NKAIN2: variants seen among roughly 807,000 people sequenced by gnomAD.
NKAIN2 encodes the protein sodium/potassium-transporting ATPase subunit beta-1-interacting protein 2.
In NKAIN2, 14 loss-of-function variants were observed where a neutral mutation model predicts 32.6. That is an observed-to-expected ratio of 0.43 (90% confidence interval 0.28 to 0.67). The LOEUF (loss-of-function observed/expected upper bound fraction) is 0.67. NKAIN2 is among the 30% of genes least tolerant of loss of function. The pLI, the probability that NKAIN2 is intolerant of heterozygous loss-of-function variation, is 0.17. For missense variants in NKAIN2, 198 were observed against 258.3 expected (o/e 0.77, Z 1.60); for synonymous variants, 80 against 87.2 (o/e 0.92, Z 0.46).
At chr6:124,167,335 A>G (rs1437383604) in intron 1 of NKAIN2, among the ~76,000 whole-genome samples, 3 of 151,144 alleles carry the variant, frequency 2.0e-5, no homozygotes, top group African/African-American at 7.3e-5. Flanking sequence ...TTATTGGTGT[A>G]TAAGAATGCT....
At chr6:124,469,269 C>A (rs190148023) in intron 3 of NKAIN2, among the ~76,000 whole-genome samples, 3 of 152,212 alleles carry the variant, frequency 2.0e-5, no homozygotes, top group Admixed American at 2.0e-4. Context: ...TATGGTGTTA[C>A]AAAGTTATAA....
chr6:124,206,922 C>T (rs1790916228), intron 1 of NKAIN2, among the ~76,000 whole-genome samples: 1 of 151,718 alleles, frequency 6.6e-6, no homozygotes, highest in Admixed American at 6.6e-5. Flanking sequence ...ACGGGATTAA[C>T]ATCTCATATC....
chr6:124,425,315 A>T (rs1274418557), intron 3 of NKAIN2, among the ~76,000 whole-genome samples: 2 of 152,142 alleles, frequency 1.3e-5, no homozygotes, highest in African/African-American at 4.8e-5. Context: ...CACAATAATC[A>T]ATTCGAAATG....
At chr6:124,526,726 A>G (rs1779327940) in intron 3 of NKAIN2, among the ~76,000 whole-genome samples, 1 of 152,176 alleles carries the variant, frequency 6.6e-6, no homozygotes, top group South Asian at 2.1e-4. Flanking sequence ...ATTGAGCACC[A>G]TCTTGTAAAA....
intron 1 of NKAIN2, among the ~76,000 whole-genome samples, chr6:124,166,886 T>G (rs1311841767): frequency 7.2e-6 from 1 of 138,368 alleles, no homozygotes; most frequent in Non-Finnish European, 1.6e-5. Flanking sequence ...TATCTCTGTT[T>G]TGGTACCAGT....
intron 1 of NKAIN2, among the ~76,000 whole-genome samples, chr6:124,223,070 G>A (rs942454142): frequency 4.0e-5 from 6 of 151,800 alleles, no homozygotes; most frequent in East Asian, 3.9e-4. Context: ...AAAATTAGCC[G>A]GGCATGGTGG....
chr6:124,637,884 C>T (rs1340530490), intron 3 of NKAIN2, among the ~76,000 whole-genome samples: 2 of 152,108 alleles, frequency 1.3e-5, no homozygotes, highest in Admixed American at 6.6e-5. Flanking sequence ...ATATCAATGA[C>T]ATTCTTCAAA....
intron 3 of NKAIN2, among the ~76,000 whole-genome samples, chr6:124,485,622 T>C (rs1418482629): frequency 6.6e-6 from 1 of 152,152 alleles, no homozygotes; most frequent in African/African-American, 2.4e-5. Flanking sequence ...ACTGACTACA[T>C]TAGAATAGTG....
At chr6:124,644,880 C>T (rs1784114211) in intron 3 of NKAIN2, among the ~76,000 whole-genome samples, 2 of 152,048 alleles carry the variant, frequency 1.3e-5, no homozygotes, top group South Asian at 4.2e-4. Flanking sequence ...TCAAGAAAAC[C>T]CTTATGTTGT....
intron 1 of NKAIN2, among the ~76,000 whole-genome samples, chr6:124,001,800 A>AATATATATAT (rs10567719): frequency 0.011 from 1,431 of 134,930 alleles, 21 homozygotes; most frequent in African/African-American, 0.029. Flanking sequence ...CTTAGTTCTA[A>AATATATATAT]ATATATATAT....
At chr6:123,953,433 A>G (rs1225322303) in intron 1 of NKAIN2, among the ~76,000 whole-genome samples, 2 of 152,102 alleles carry the variant, frequency 1.3e-5, no homozygotes, top group Admixed American at 6.5e-5. Context: ...CCTGGGCAGT[A>G]GGCAAGTGAA....
rs1247080517 is a variant in NKAIN2, at chr6:124,565,080, G to T, written c.274-93106G>T. 2.0e-5 allele frequency among the ~76,000 whole-genome samples: 3 copies of T among 152,264 alleles called. No homozygotes were observed. The East Asian group carries it at 5.8e-4, about 29-fold the overall frequency. On this transcript the variant is annotated intron_variant, in intron 3 of 6. Transcript: ENST00000368417. ...GAGCAAGAGCAAGAGATTTGTCTGG[G>T]ATTGGGGAGGTGGCGGTGAGGGGAA... is the stretch of plus-strand genomic sequence containing the variant.
chr6:124,390,091 CT>C (rs1175531834), intron 3 of NKAIN2, among the ~76,000 whole-genome samples: 2 of 152,110 alleles, frequency 1.3e-5, no homozygotes, highest in Non-Finnish European at 2.9e-5. Flanking sequence ...GTACAGTGTT[CT>C]TTCGTCTTTG....
At chr6:124,071,746 A>G (rs564004291) in intron 1 of NKAIN2, among the ~76,000 whole-genome samples, 1 of 152,322 alleles carries the variant, frequency 6.6e-6, no homozygotes, top group African/African-American at 2.4e-5. Flanking sequence ...ACTAACCATT[A>G]GAGAAATATT....
intron 3 of NKAIN2, among the ~76,000 whole-genome samples, chr6:124,523,780 T>G (rs1779211401): frequency 6.6e-6 from 1 of 152,112 alleles, no homozygotes; most frequent in South Asian, 2.1e-4. Flanking sequence ...GTTTTAAGCA[T>G]GGACTATGGA....
intron 3 of NKAIN2, among the ~76,000 whole-genome samples, chr6:124,650,996 A>G (rs557218910): frequency 6.6e-6 from 1 of 152,310 alleles, no homozygotes; most frequent in South Asian, 2.1e-4. Flanking sequence ...TATTTCCAAA[A>G]TACAATGGTG....
At chr6:123,949,740 G>T (rs1262436820) in intron 1 of NKAIN2, among the ~76,000 whole-genome samples, 1 of 151,902 alleles carries the variant, frequency 6.6e-6, no homozygotes, top group East Asian at 1.9e-4. Context: ...TATATCATCT[G>T]CAAGGAAGGA....
intron 1 of NKAIN2, chr6:123,828,701 T>G (rs1774248796): frequency 1.3e-5 from 2 of 152,238 alleles, no homozygotes. Context: ...TTCCACTTCC[T>G]AAAATATCTC....
chr6:124,331,356 A>C (rs1245360109), intron 2 of NKAIN2, among the ~76,000 whole-genome samples: 3 of 133,652 alleles, frequency 2.2e-5, no homozygotes, highest in Non-Finnish European at 4.7e-5. Context: ...AAAAAAAAAA[A>C]AAAAAAAAAA....
Sources: allele counts gnomAD v4.1 joint callset (sites outside exome capture counted in the v4.1 genomes callset), GRCh38; gene constraint gnomAD v4.1.1; transcripts MANE v1.5; gene names NCBI Gene and HGNC (gene_info 2026-07-23, HGNC 2026-07-21).